EMB: variants seen among roughly 807,000 people sequenced by gnomAD.
EMB encodes the protein embigin homolog.
In EMB, 31 loss-of-function variants were observed where a neutral mutation model predicts 41.4. That is an observed-to-expected ratio of 0.75 (90% CI 0.56 to 1.01). The LOEUF (loss-of-function observed/expected upper bound fraction) is 1.01. Among genes scored for constraint, EMB ranks in the 50% least tolerant of loss-of-function variants. The probability of loss-of-function intolerance (pLI) is 0.00; values close to 1 mark genes in which losing one functional copy is unlikely to be tolerated. For missense variants in EMB, 379 were observed against 388.3 expected (o/e 0.98, Z 0.20); for synonymous variants, 137 against 140.4 (o/e 0.98, Z 0.17).
chr5:50,402,789 CT>C (rs60433383), intron 6 of EMB, among the ~76,000 whole-genome samples: 2,976 of 136,104 alleles, frequency 0.022, 93 homozygotes, highest in African/African-American at 0.077. Flanking sequence ...TTCTTTTAGA[CT>C]TTTTATATTA....
chr5:50,417,423 C>A (rs1382765797), intron 2 of EMB, among the ~76,000 whole-genome samples: 1 of 152,138 alleles, frequency 6.6e-6, no homozygotes, highest in Non-Finnish European at 1.5e-5. Flanking sequence ...TCACTTCTCT[C>A]CCAAATAAGT....
intron 4 of EMB, among the ~76,000 whole-genome samples, chr5:50,410,168 C>T (rs532486832): frequency 9.9e-5 from 15 of 152,152 alleles, no homozygotes; most frequent in African/African-American, 1.7e-4. Context: ...GTTAATATGG[C>T]GACAGATTGC....
chr5:50,426,294 A>T (rs1745609448), intron 2 of EMB, among the ~76,000 whole-genome samples: 1 of 152,190 alleles, frequency 6.6e-6, no homozygotes, highest in Non-Finnish European at 1.5e-5. Flanking sequence ...CTCACCTGCA[A>T]ATTACAAATA....
Position 50,428,242 on chromosome 5 carries a change from A to C in EMB, c.113-15T>G. On this transcript the variant is annotated splice_polypyrimidine_tract_variant and intron_variant, in intron 1 of 8. Coordinates refer to ENST00000303221, the MANE Select transcript of EMB (RefSeq NM_198449.3). ...AAAAGGCGAATCTATAAGAGAAAGAACACATGATTACACACTCTTATCAAG... is the reference window on the plus strand; with the variant it reads ...AAAAGGCGAATCTATAAGAGAAAGACCACATGATTACACACTCTTATCAAG... 2 of 1,535,848 alleles carry C rather than the reference A, an allele frequency of 1.3e-6. No homozygotes were observed. The highest frequency in any genetic ancestry group is 1.8e-6 in the Non-Finnish European group (2 of 1,110,750).
At chr5:50,409,216 T>C (rs959058019) in intron 4 of EMB, among the ~76,000 whole-genome samples, 4 of 152,120 alleles carry the variant, frequency 2.6e-5, no homozygotes, top group Admixed American at 2.6e-4. Flanking sequence ...CAATTCAATG[T>C]ATTGGTATGT....
At chr5:50,424,801 G>C (rs1356029696) in intron 2 of EMB, among the ~76,000 whole-genome samples, 1 of 151,926 alleles carries the variant, frequency 6.6e-6, no homozygotes, top group Admixed American at 6.6e-5. Flanking sequence ...CTACAATTCT[G>C]CAAACAACCT....
chr5:50,416,184 C>T (rs186680765), intron 2 of EMB, among the ~76,000 whole-genome samples: 1 of 152,184 alleles, frequency 6.6e-6, no homozygotes, highest in Non-Finnish European at 1.5e-5. Context: ...GCTCAGTCAA[C>T]GATGTTTCAA....
chr5:50,412,255 CAG>C (rs1390436361), intron 2 of EMB, among the ~76,000 whole-genome samples: 7 of 120,786 alleles, frequency 5.8e-5, no homozygotes, highest in African/African-American at 2.1e-4. Flanking sequence ...CACACACACA[CAG>C]ACACACACAC....
chr5:50,400,074 TG>T, intron 7 of EMB, among the ~76,000 whole-genome samples, 161 bp from the exon 8 acceptor site: 1 of 152,076 alleles, frequency 6.6e-6, no homozygotes, highest in East Asian at 1.9e-4. Context: ...ATTTATTTTA[TG>T]GCATTGCTTG....
At chr5:50,428,761 C>T (rs1374462964) in intron 1 of EMB, 2 of 985,118 alleles carry the variant, frequency 2.0e-6, no homozygotes, top group Admixed American at 1.2e-4. Context: ...CCCTCTAACA[C>T]CTGACTTTCA....
At position 50,430,972 on chromosome 5, in the gene EMB, C is replaced by A. The variant is rs1398570237; in HGVS notation, c.113-2745G>T. ...TGAAGGATAGGAAAGGAAGGAAACA[C>A]CAAGTTTCCAGAGGTAGGGAAGTCT... On this transcript the variant is annotated intron_variant, in intron 1 of 8. Coordinates refer to ENST00000303221, the MANE Select transcript of EMB (RefSeq NM_198449.3). Among the ~76,000 whole-genome samples, 4 of 152,146 alleles carry A rather than the reference C, an allele frequency of 2.6e-5. No individual in the cohort carries two copies. The East Asian group carries it at 7.7e-4, about 29-fold the overall frequency.
chr5:50,434,924 T>C (rs545363218), intron 1 of EMB, among the ~76,000 whole-genome samples: 3 of 152,372 alleles, frequency 2.0e-5, no homozygotes, highest in Non-Finnish European at 4.4e-5. Context: ...GTTCACCTTA[T>C]ATTGTGCCAT....
At chr5:50,405,237 T>C (rs1013132912) in intron 5 of EMB, among the ~76,000 whole-genome samples, 18 of 151,990 alleles carry the variant, frequency 1.2e-4, no homozygotes, top group Non-Finnish European at 2.2e-4. Context: ...CACTTTCTGA[T>C]AGAACCTAAG....
intron 2 of EMB, among the ~76,000 whole-genome samples, chr5:50,427,239 T>C (rs966737489): frequency 6.6e-6 from 1 of 152,218 alleles, no homozygotes; most frequent in Non-Finnish European, 1.5e-5. Flanking sequence ...TTCTACCAAA[T>C]AAAACATTTT....
intron 3 of EMB, 88 bp downstream of exon 3, chr5:50,411,109 C>A: frequency 7.9e-7 from 1 of 1,259,370 alleles, no homozygotes; most frequent in Non-Finnish European, 1.1e-6. Context: ...ATTCAAGTGG[C>A]TGCAGAGGAA....
rs554478214 is a variant in EMB at position 50,424,934 on chromosome 5, G to A, written c.196+3210C>T. Among the ~76,000 whole-genome samples the A allele has an allele frequency of 8.6e-5, 13 of 151,954 alleles. No individual in the cohort carries two copies. In the South Asian group the frequency reaches 2.3e-3, roughly 27 times the overall value. On this transcript the variant is annotated intron_variant, in intron 2 of 8. Coordinates refer to ENST00000303221, the MANE Select transcript of EMB (RefSeq NM_198449.3). ...AGCCACTGCCACTTGTGTTGCTATG[G>A]GTAGATCCCTCTTCCATCTTTACTT...
Position 50,421,025 on chromosome 5 carries a change from A to G in EMB, c.196+7119T>C, listed in dbSNP as rs564913627. 1.2e-3 allele frequency among the ~76,000 whole-genome samples: 182 copies of G among 152,362 alleles called. 1 individual carries two copies. Among genetic ancestry groups the G allele is most frequent in the Admixed American group, 4.5e-3 (69 of 15,292 alleles). ...TAAAATTACTAATCTAGCAGGGGAC[A>G]TATAACTCAAACACAAATATCTACA... On this transcript the variant is annotated intron_variant, in intron 2 of 8. Transcript: ENST00000303221.
chr5:50,399,106 C>T lies in EMB; in HGVS notation c.*167G>A, dbSNP rs1745116688. 2.1e-5 allele frequency: 17 copies of T among 798,076 alleles called. No homozygotes were observed. The highest frequency in any genetic ancestry group is 3.5e-5 in the Admixed American group (1 of 28,708). 49.4% of individuals were successfully genotyped at this position (798,076 alleles called of 1,614,324 possible). A position where few individuals can be genotyped will look rare whatever the true frequency, so the allele number is the denominator to read the frequency against. ...AACATAATTACAGAATGAAAATATACCTTTAGATCTGACATATATCGTTGA... is the reference window on the plus strand; with the variant it reads ...AACATAATTACAGAATGAAAATATATCTTTAGATCTGACATATATCGTTGA... On this transcript the variant is annotated 3_prime_UTR_variant, in exon 9 of 9. Coordinates refer to ENST00000303221, the MANE Select transcript of EMB (RefSeq NM_198449.3).
At chr5:50,413,679 G>A (rs940364434) in intron 2 of EMB, among the ~76,000 whole-genome samples, 2 of 151,236 alleles carry the variant, frequency 1.3e-5, no homozygotes, top group African/African-American at 4.9e-5. Context: ...GGATTCAAGC[G>A]ATTCTCCTGC....
Sources: gnomAD v4.1 joint callset for allele counts (sites outside exome capture counted in the v4.1 genomes callset) on GRCh38, gnomAD v4.1.1 for gene constraint, MANE v1.5 for transcripts, NCBI Gene and HGNC (gene_info 2026-07-23, HGNC 2026-07-21) for gene names.